Variants in SLCO1B3 observed in about 807,000 individuals in gnomAD.
The protein encoded by SLCO1B3 is liver-specific organic anion transporter 2.
A neutral mutation model predicts 71.8 loss-of-function variants in SLCO1B3; 72 were observed. The ratio of observed to expected loss-of-function variants is 1.00; its 90% CI spans 0.83 to 1.22. The LOEUF (loss-of-function observed/expected upper bound fraction) is 1.22, where lower values mean the gene tolerates loss of function less well. Ranked by LOEUF, SLCO1B3 falls within the 50% of genes most tolerant of loss-of-function variation. The pLI is 0.00. For missense variants in SLCO1B3, 911 were observed against 819.7 expected, an observed-to-expected ratio of 1.11 and a Z score of -1.36; for synonymous variants, 298 against 278.4, an observed-to-expected ratio of 1.07 and a Z score of -0.70.
intron 3 of SLCO1B3, among the ~76,000 whole-genome samples, chr12:20,840,627 A>G (rs1864778046): frequency 6.6e-6 from 1 of 152,018 alleles, no homozygotes; most frequent in Non-Finnish European, 1.5e-5. Context: ...TCCTGACCTC[A>G]CAATCCACCA....
At chr12:20,831,314 A>G (rs7971116) in intron 3 of SLCO1B3, among the ~76,000 whole-genome samples, 55,420 of 140,410 alleles carry the variant, frequency 0.39, 10,899 homozygotes, top group Middle Eastern at 0.48. Flanking sequence ...CCGAGATCCC[A>G]CCACTCCACT....
intron 3 of SLCO1B3, among the ~76,000 whole-genome samples, chr12:20,828,979 G>T (rs943082734): frequency 7.2e-6 from 1 of 138,514 alleles, no homozygotes; most frequent in Non-Finnish European, 1.6e-5. Flanking sequence ...TTTTCCTTTT[G>T]CTGGTTGTTT....
chr12:20,810,998 A>G (rs968083189), intron 1 of SLCO1B3, among the ~76,000 whole-genome samples: 2 of 152,164 alleles, frequency 1.3e-5, no homozygotes, highest in African/African-American at 2.4e-5. Context: ...TTATAAAGTG[A>G]AAAATAAAGT....
intron 13 of SLCO1B3, 34 bp downstream of exon 13, chr12:20,883,636 A>G (rs780581386): frequency 7.1e-7 from 1 of 1,412,854 alleles, no homozygotes; most frequent in Non-Finnish European, 9.6e-7. Context: ...TGTCATGTAT[A>G]TTAGACTAAA....
chr12:20,878,091 C>T (rs1246393988), intron 10 of SLCO1B3, among the ~76,000 whole-genome samples, 155 bp downstream of exon 10: 1 of 151,700 alleles, frequency 6.6e-6, no homozygotes, highest in Non-Finnish European at 1.5e-5. Context: ...CTTGTAATAT[C>T]ATCGTTGTTC....
At chr12:20,840,296 G>T (rs571363629) in intron 3 of SLCO1B3, among the ~76,000 whole-genome samples, 2 of 152,212 alleles carry the variant, frequency 1.3e-5, no homozygotes, top group East Asian at 1.9e-4. Flanking sequence ...GTAAGGCACA[G>T]TCCGGAGAAG....
chr12:20,875,909 T>C (rs900356525), intron 9 of SLCO1B3, among the ~76,000 whole-genome samples: 6 of 152,040 alleles, frequency 3.9e-5, no homozygotes, highest in Non-Finnish European at 7.4e-5. Context: ...TTAAGACGTA[T>C]ATAGATCACT....
rs970185693 is a variant in SLCO1B3, at chr12:20,861,092, T to C, written c.435T>C (p.Asn145=). 2 of 1,603,022 alleles carry C rather than the reference T, an allele frequency of 1.2e-6. No homozygotes were observed. Among genetic ancestry groups the C allele is most frequent in the Non-Finnish European group, 1.7e-6 (2 of 1,174,008 alleles). ...CAAGTTTATCAACCTGTTTAATTAA[T>C]CAAACCTTATCATTCAATGGAACAT... ...STSSLSTCLI[N]QTLSFNGTSP... Residue 145 remains asparagine, a synonymous_variant, in exon 6 of 16, where the codon AAT becomes AAC. Transcript: ENST00000381545.
chr12:20,847,428 C>G (rs1460689681), intron 3 of SLCO1B3, among the ~76,000 whole-genome samples: 2 of 152,096 alleles, frequency 1.3e-5, no homozygotes, highest in African/African-American at 2.4e-5. Flanking sequence ...ATTTTTCCCT[C>G]CCTGTGAGGG....
intron 8 of SLCO1B3, among the ~76,000 whole-genome samples, chr12:20,872,545 C>T (rs915113427): frequency 5.3e-5 from 8 of 151,966 alleles, no homozygotes; most frequent in African/African-American, 1.9e-4. Flanking sequence ...TTGGTCACAC[C>T]TGAAGTCAGC....
At chr12:20,869,104 G>A (rs993660232) in intron 8 of SLCO1B3, among the ~76,000 whole-genome samples, 3 of 152,178 alleles carry the variant, frequency 2.0e-5, no homozygotes, top group South Asian at 2.1e-4. Flanking sequence ...ATCACAAGAG[G>A]TGGAGGAGCA....
At chr12:20,832,708 T>C (rs2121136123) in intron 3 of SLCO1B3, among the ~76,000 whole-genome samples, 1 of 152,318 alleles carries the variant, frequency 6.6e-6, no homozygotes, top group Non-Finnish European at 1.5e-5. Flanking sequence ...TTGCATTTCC[T>C]TGTTCCTCTT....
intron 3 of SLCO1B3, among the ~76,000 whole-genome samples, chr12:20,848,928 A>T (rs1215242888): frequency 6.6e-6 from 1 of 152,026 alleles, no homozygotes; most frequent in African/African-American, 2.4e-5. Context: ...ATATACATTT[A>T]TCAGAATCGA....
At chr12:20,882,730 A>C (rs139748621) in intron 12 of SLCO1B3, among the ~76,000 whole-genome samples, 1 of 152,196 alleles carries the variant, frequency 6.6e-6, no homozygotes, top group Non-Finnish European at 1.5e-5. Flanking sequence ...CTCCTTCAGT[A>C]AATAGTCTTC....
chr12:20,883,409 T>C lies in SLCO1B3; in HGVS notation c.1498-9T>C, dbSNP rs765555004. ...ATGTATTTGTTAATATTTCAAAAAC[T>C]ATTTTTAGGTGTTTTATAACTGTAG... On this transcript the variant is annotated splice_polypyrimidine_tract_variant and intron_variant, in intron 12 of 15. Transcript: ENST00000381545. 6.8e-7 allele frequency: 1 copy of C among 1,480,658 alleles called. No homozygotes were observed. Among genetic ancestry groups the C allele is most frequent in the Non-Finnish European group, 9.0e-7 (1 of 1,106,474 alleles). The allele number at this position is 1,480,658 out of a possible 1,614,324, so 91.7% of individuals were successfully genotyped here.
intron 3 of SLCO1B3, among the ~76,000 whole-genome samples, chr12:20,820,686 A>G (rs12821677): frequency 0.81 from 122,729 of 151,972 alleles, 49,862 homozygotes; most frequent in East Asian, 0.96. Flanking sequence ...ATTTAATGTC[A>G]GGAGCAGATT....
chr12:20,856,491 A>G (rs1032680417), intron 4 of SLCO1B3, among the ~76,000 whole-genome samples: 1 of 152,228 alleles, frequency 6.6e-6, no homozygotes, highest in East Asian at 1.9e-4. Context: ...AAGTATTAGA[A>G]GTTATCTAGA....
chr12:20,832,648 C>T (rs1864569324), intron 3 of SLCO1B3, among the ~76,000 whole-genome samples: 1 of 152,048 alleles, frequency 6.6e-6, no homozygotes, highest in African/African-American at 2.4e-5. Context: ...CCATGGTGGC[C>T]TTTTTGCTGT....
intron 11 of SLCO1B3, among the ~76,000 whole-genome samples, 172 bp downstream of exon 11, chr12:20,879,803 T>C (rs1177800128): frequency 6.6e-6 from 1 of 152,132 alleles, no homozygotes; most frequent in Non-Finnish European, 1.5e-5. Context: ...AAAAATTTGT[T>C]TTATTCCTTC....
Sources: allele counts gnomAD v4.1 joint callset (sites outside exome capture counted in the v4.1 genomes callset), GRCh38; gene constraint gnomAD v4.1.1; transcripts MANE v1.5; gene names NCBI Gene and HGNC (gene_info 2026-07-23, HGNC 2026-07-21).